ZSWIM5: variants seen among roughly 807,000 people sequenced by gnomAD.
The protein encoded by ZSWIM5 is zinc finger SWIM domain-containing protein 5.
In ZSWIM5, 55 loss-of-function variants were observed where a neutral mutation model predicts 119.6. The observed-to-expected ratio is 0.46, with a 90% CI of 0.37 to 0.58. The LOEUF (loss-of-function observed/expected upper bound fraction) is 0.58, where lower values mean the gene tolerates loss of function less well. Among genes scored for constraint, ZSWIM5 ranks in the 20% least tolerant of loss-of-function variants. The probability of loss-of-function intolerance (pLI) is 0.00; values close to 1 mark genes in which losing one functional copy is unlikely to be tolerated. For missense variants in ZSWIM5, 1,193 were observed against 1,512.8 expected (o/e 0.79, Z 3.51); for synonymous variants, 537 against 606.9 (o/e 0.88, Z 1.69).
chr1:45,159,046 T>A (rs550807971), intron 1 of ZSWIM5, among the ~76,000 whole-genome samples: 6 of 152,340 alleles, frequency 3.9e-5, no homozygotes, highest in African/African-American at 1.4e-4. Context: ...AATACAACTG[T>A]ACTGAATCCT....
intron 1 of ZSWIM5, among the ~76,000 whole-genome samples, chr1:45,142,991 T>C (rs1174339156): frequency 6.8e-6 from 1 of 146,242 alleles, no homozygotes. Flanking sequence ...GGCAACATGG[T>C]GAAACCCTGT....
chr1:45,205,647 T>G (rs937984964), intron 1 of ZSWIM5, 109 bp downstream of exon 1: 2 of 1,205,388 alleles, frequency 1.7e-6, no homozygotes, highest in Admixed American at 2.9e-5. Flanking sequence ...TCGGCAGGGG[T>G]ACAGGAGTTG....
At chr1:45,108,898 T>A (rs1645497364) in intron 1 of ZSWIM5, among the ~76,000 whole-genome samples, 1 of 152,234 alleles carries the variant, frequency 6.6e-6, no homozygotes, top group African/African-American at 2.4e-5. Flanking sequence ...CCTCATCTTT[T>A]AAAAACTCCA....
chr1:45,148,494 G>GA (rs57251077), intron 1 of ZSWIM5, among the ~76,000 whole-genome samples: 9,630 of 140,038 alleles, frequency 0.069, 347 homozygotes, highest in East Asian at 0.13. Context: ...AAGTTTCATT[G>GA]AAAAAAAAAA....
intron 6 of ZSWIM5, 44 bp from the exon 7 acceptor site, chr1:45,040,582 A>G: frequency 6.5e-7 from 1 of 1,537,698 alleles, no homozygotes; most frequent in East Asian, 2.3e-5. Context: ...TAAAATTTCA[A>G]GTCAGGAAAA....
At chr1:45,062,540 G>T (rs1047158318) in intron 2 of ZSWIM5, among the ~76,000 whole-genome samples, 12 of 152,042 alleles carry the variant, frequency 7.9e-5, no homozygotes, top group African/African-American at 2.7e-4. Context: ...TCACTCTGTT[G>T]CCCAGGCTGG....
intron 1 of ZSWIM5, among the ~76,000 whole-genome samples, chr1:45,183,054 G>C (rs1000100514): frequency 5.3e-5 from 8 of 151,964 alleles, no homozygotes; most frequent in African/African-American, 1.5e-4. Context: ...CTGTCTCTCA[G>C]ACCACAGTGC....
At chr1:45,051,712 C>T (rs1462359663) in intron 4 of ZSWIM5, among the ~76,000 whole-genome samples, 1 of 152,138 alleles carries the variant, frequency 6.6e-6, no homozygotes, top group East Asian at 1.9e-4. Context: ...GCATTTAACA[C>T]AAGGACATGG....
intron 8 of ZSWIM5, among the ~76,000 whole-genome samples, chr1:45,038,602 G>GTTTTTTTTTTTTTTTTTTTTTTTT (rs1644999570): frequency 2.7e-4 from 1 of 3,716 alleles, no homozygotes; most frequent in Non-Finnish European, 8.0e-4. Context: ...GACGAGGGCA[G>GTTTTTTTTTTTTTTTTTTTTTTTT]TCTTTTTTTT....
At chr1:45,096,466 G>A (rs1037337739) in intron 1 of ZSWIM5, among the ~76,000 whole-genome samples, 1 of 150,038 alleles carries the variant, frequency 6.7e-6, no homozygotes, top group Non-Finnish European at 1.5e-5. Context: ...GTGTGTGCGT[G>A]TGTGTGCATG....
intron 4 of ZSWIM5, among the ~76,000 whole-genome samples, chr1:45,053,570 T>C (rs981342100): frequency 1.3e-5 from 2 of 151,864 alleles, no homozygotes; most frequent in African/African-American, 4.8e-5. Context: ...GAGACCAGCC[T>C]GGCCAACATG....
In ZSWIM5 at chr1:45,205,745, C is replaced by G. The variant is rs202177076; in HGVS notation, c.595+11G>C. ...GGCTGAGGACCCGAGAACGCCTGGA[C>G]GAGCACATACCGACTTGCAGCACGT... is the stretch of plus-strand genomic sequence containing the variant. On this transcript the variant is annotated intron_variant, in intron 1 of 13. Coordinates refer to ENST00000359600, the MANE Select transcript of ZSWIM5 (RefSeq NM_020883.2). 1.9e-6 allele frequency: 3 copies of G among 1,555,700 alleles called. No homozygotes were observed. Among genetic ancestry groups the G allele is most frequent in the South Asian group, 2.3e-5 (2 of 86,552 alleles).
chr1:45,109,580 C>G (rs1391213736), intron 1 of ZSWIM5, among the ~76,000 whole-genome samples: 1 of 151,944 alleles, frequency 6.6e-6, no homozygotes, highest in Non-Finnish European at 1.5e-5. Context: ...CCTGTCTCTA[C>G]CAAAAATACA....
intron 2 of ZSWIM5, among the ~76,000 whole-genome samples, chr1:45,084,292 C>A (rs1410608750): frequency 6.6e-6 from 1 of 152,134 alleles, no homozygotes; most frequent in Non-Finnish European, 1.5e-5. Context: ...CCCAATGATC[C>A]AATCACCTCC....
chr1:45,117,665 T>C (rs1305506154), intron 1 of ZSWIM5, among the ~76,000 whole-genome samples: 1 of 151,888 alleles, frequency 6.6e-6, no homozygotes, highest in Admixed American at 6.6e-5. Flanking sequence ...AGAGAGACCT[T>C]GTTTCAAAAA....
intron 2 of ZSWIM5, among the ~76,000 whole-genome samples, chr1:45,078,896 TC>T (rs1645271329): frequency 6.6e-6 from 1 of 152,188 alleles, no homozygotes; most frequent in Non-Finnish European, 1.5e-5. Context: ...CAAGACATAG[TC>T]CTTCCTGTCA....
At chr1:45,184,197 A>C (rs1384428425) in intron 1 of ZSWIM5, among the ~76,000 whole-genome samples, 2 of 152,160 alleles carry the variant, frequency 1.3e-5, no homozygotes, top group Non-Finnish European at 2.9e-5. Flanking sequence ...AAAATTCAAC[A>C]ACCCTTCATG....
chr1:45,180,340 G>A (rs1285341050), intron 1 of ZSWIM5, among the ~76,000 whole-genome samples: 1 of 152,204 alleles, frequency 6.6e-6, no homozygotes, highest in Non-Finnish European at 1.5e-5. Context: ...TAGCACAGCA[G>A]TCTGAGATCA....
At chr1:45,198,463 G>A (rs1034509633) in intron 1 of ZSWIM5, among the ~76,000 whole-genome samples, 11 of 152,150 alleles carry the variant, frequency 7.2e-5, no homozygotes, top group African/African-American at 2.4e-4. Context: ...CTGACTTTCC[G>A]GAGGGACAAA....
Sources: gnomAD v4.1 joint callset for allele counts (sites outside exome capture counted in the v4.1 genomes callset) on GRCh38, gnomAD v4.1.1 for gene constraint, MANE v1.5 for transcripts, NCBI Gene and HGNC (gene_info 2026-07-23, HGNC 2026-07-21) for gene names.